Variants in HIBADH observed in about 807,000 individuals in gnomAD.
HIBADH encodes 3-hydroxyisobutyrate dehydrogenase, mitochondrial.
A neutral mutation model predicts 36.1 loss-of-function variants in HIBADH; 25 were observed. That is an observed-to-expected ratio of 0.69 (90% CI 0.50 to 0.97). The LOEUF (loss-of-function observed/expected upper bound fraction) is 0.97. HIBADH is among the 50% of genes least tolerant of loss of function. The probability of loss-of-function intolerance (pLI) is 0.00; values close to 1 mark genes in which losing one functional copy is unlikely to be tolerated. For synonymous variants in HIBADH, 160 were observed against 149.5 expected, an observed-to-expected ratio of 1.07 and a Z score of -0.51; for missense variants, 421 against 418.0, an observed-to-expected ratio of 1.01 and a Z score of -0.06.
intron 4 of HIBADH, among the ~76,000 whole-genome samples, chr7:27,557,607 GC>G (rs990459280): frequency 6.6e-6 from 1 of 152,136 alleles, no homozygotes; most frequent in African/African-American, 2.4e-5. Context: ...TTCCAAGATG[GC>G]AGCTTGTTGC....
intron 4 of HIBADH, among the ~76,000 whole-genome samples, chr7:27,564,504 C>G (rs1784515818): frequency 6.6e-6 from 1 of 152,186 alleles, no homozygotes; most frequent in Non-Finnish European, 1.5e-5. Flanking sequence ...TTTAAACTCT[C>G]TTCTGTTTCA....
At chr7:27,612,968 T>C (rs71539532) in intron 4 of HIBADH, among the ~76,000 whole-genome samples, 59,018 of 135,760 alleles carry the variant, frequency 0.43, 13,690 homozygotes, top group East Asian at 0.94. Context: ...ATTATTTATA[T>C]ATATATTATA....
intron 4 of HIBADH, among the ~76,000 whole-genome samples, chr7:27,590,251 T>C (rs999352172): frequency 1.3e-5 from 2 of 152,214 alleles, no homozygotes; most frequent in African/African-American, 2.4e-5. Flanking sequence ...CCCAGAAAAG[T>C]TGAGACTCAG....
At chr7:27,592,251 A>G in intron 4 of HIBADH, among the ~76,000 whole-genome samples, 1 of 152,182 alleles carries the variant, frequency 6.6e-6, no homozygotes, top group East Asian at 1.9e-4. Flanking sequence ...TGTCTCACCT[A>G]ATACATTATG....
intron 4 of HIBADH, among the ~76,000 whole-genome samples, chr7:27,567,952 T>C (rs1035820256): frequency 6.6e-6 from 1 of 152,188 alleles, no homozygotes; most frequent in Non-Finnish European, 1.5e-5. Context: ...GATAAACCCA[T>C]CCTAAGTTGA....
chr7:27,651,885 G>A (rs962245225), intron 1 of HIBADH, among the ~76,000 whole-genome samples: 7 of 152,164 alleles, frequency 4.6e-5, no homozygotes, highest in Admixed American at 1.3e-4. Context: ...CATGGTGTGG[G>A]AACTTGAGGA....
chr7:27,556,726 T>C (rs1003610654), intron 4 of HIBADH, among the ~76,000 whole-genome samples: 15 of 152,208 alleles, frequency 9.9e-5, no homozygotes, highest in African/African-American at 3.4e-4. Context: ...AAAGGTCTGT[T>C]TGGGGACTTA....
chr7:27,658,008 A>G (rs1038170394), intron 1 of HIBADH, among the ~76,000 whole-genome samples: 1 of 152,196 alleles, frequency 6.6e-6, no homozygotes, highest in Non-Finnish European at 1.5e-5. Context: ...TCCTATGCCA[A>G]CTGCCCCTTT....
At chr7:27,624,194 G>GA (rs56357205) in intron 4 of HIBADH, among the ~76,000 whole-genome samples, 15 of 150,632 alleles carry the variant, frequency 1.0e-4, no homozygotes, top group South Asian at 2.1e-4. Flanking sequence ...CACAATATCA[G>GA]AAAAAAAAAA....
chr7:27,635,815 A>ATTTAGAAATAGT (rs1785831205), intron 2 of HIBADH, among the ~76,000 whole-genome samples: 1 of 152,168 alleles, frequency 6.6e-6, no homozygotes, highest in African/African-American at 2.4e-5. Flanking sequence ...TGCTAATTCC[A>ATTTAGAAATAGT]ACGGCCTCAT....
At chr7:27,626,611 C>T (rs1343501992) in intron 4 of HIBADH, among the ~76,000 whole-genome samples, 1 of 152,138 alleles carries the variant, frequency 6.6e-6, no homozygotes, top group Non-Finnish European at 1.5e-5. Context: ...CAGAATAATA[C>T]TTACCAGGAA....
intron 4 of HIBADH, among the ~76,000 whole-genome samples, chr7:27,613,669 T>G (rs201040600): frequency 9.9e-6 from 1 of 101,412 alleles, no homozygotes; most frequent in Non-Finnish European, 2.0e-5. Flanking sequence ...TTTTTTGTTT[T>G]TTTTTTTTGA....
intron 4 of HIBADH, among the ~76,000 whole-genome samples, chr7:27,589,903 T>C (rs527463743): frequency 6.6e-6 from 1 of 152,284 alleles, no homozygotes; most frequent in East Asian, 1.9e-4. Context: ...CACACCAAAC[T>C]GCCTCTTCTC....
At chr7:27,632,494 G>GT (rs2128294668) in intron 2 of HIBADH, 49 bp from the exon 3 acceptor site, 1 of 1,201,160 alleles carries the variant, frequency 8.3e-7, no homozygotes, top group Non-Finnish European at 1.2e-6. Context: ...AATGTAAGCA[G>GT]TTTCTAGAGC....
intron 3 of HIBADH, among the ~76,000 whole-genome samples, chr7:27,629,926 A>G (rs968151853): frequency 1.4e-5 from 2 of 147,786 alleles, no homozygotes; most frequent in Admixed American, 6.9e-5. Context: ...CATACTGCAA[A>G]TTTCATATAT....
chr7:27,628,899 C>A (rs553326242), intron 4 of HIBADH, among the ~76,000 whole-genome samples: 1 of 152,006 alleles, frequency 6.6e-6, no homozygotes, highest in Non-Finnish European at 1.5e-5. Flanking sequence ...TTCCTCTTTT[C>A]CTGTTCTCTG....
At chr7:27,547,822 A>G (rs1030079732) in intron 4 of HIBADH, among the ~76,000 whole-genome samples, 9 of 152,166 alleles carry the variant, frequency 5.9e-5, no homozygotes, top group African/African-American at 2.2e-4. Flanking sequence ...ACACAAAACT[A>G]TGGCATGTTT....
At position 27,538,395 on chromosome 7, in the gene HIBADH, ATGT is replaced by A. The variant is rs772503499; in HGVS notation, c.638_640del (p.Asn213del). 1 of 1,613,216 alleles carries A rather than the reference ATGT, an allele frequency of 6.2e-7. No homozygotes were observed. Among genetic ancestry groups the A allele is most frequent in the Non-Finnish European group, 8.5e-7 (1 of 1,179,504 alleles). The stretch of plus-strand genomic sequence containing the variant: ...TCCAATCATACTAATAGCTAACAGC[ATGT>A]TGTTGCAGATCTTTGCCGCCTGAAA... On this transcript the variant is annotated inframe_deletion, in exon 6 of 8. Transcript: ENST00000265395.
rs1455134951 is a variant in HIBADH at position 27,662,782 on chromosome 7, C to G, written c.7G>C (p.Ala3Pro). The G allele has an allele frequency of 1.4e-6, 2 of 1,466,164 alleles. No individual in the cohort carries two copies. Among genetic ancestry groups the G allele is most frequent in the Non-Finnish European group, 1.8e-6 (2 of 1,107,786 alleles). 90.8% of individuals were successfully genotyped at this position (1,466,164 alleles called of 1,614,324 possible). A position where few individuals can be genotyped will look rare whatever the true frequency, so the allele number is the denominator to read the frequency against. ...GCAGCTCCGAGGAGCCGTAAGGAGG[C>G]TGCCATGCTGCGCCCGCCCCTCTCC... MA[A>P]SLRLLGAASG... Residue 3 changes from alanine to proline, a missense_variant, in exon 1 of 8, where the codon GCC becomes CCC. Coordinates refer to ENST00000265395, the MANE Select transcript of HIBADH (RefSeq NM_152740.4).
Sources: allele counts gnomAD v4.1 joint callset (sites outside exome capture counted in the v4.1 genomes callset), GRCh38; gene constraint gnomAD v4.1.1; transcripts MANE v1.5; gene names NCBI Gene and HGNC (gene_info 2026-07-23, HGNC 2026-07-21).